DEPDC1B: variants seen among roughly 807,000 people sequenced by gnomAD.
DEPDC1B encodes DEP domain-containing protein 1B.
A neutral mutation model predicts 66.5 loss-of-function variants in DEPDC1B; 51 were observed. That is an observed-to-expected ratio of 0.77 (90% confidence interval 0.61 to 0.97). The LOEUF (loss-of-function observed/expected upper bound fraction) is 0.97. DEPDC1B is among the 50% of genes least tolerant of loss of function. DEPDC1B has a pLI of 0.00. For synonymous variants in DEPDC1B, 226 were observed against 223.6 expected, an observed-to-expected ratio of 1.01 and a Z score of -0.10; for missense variants, 552 against 637.1, an observed-to-expected ratio of 0.87 and a Z score of 1.44.
At chr5:60,604,472 C>T (rs913912096) in intron 8 of DEPDC1B, among the ~76,000 whole-genome samples, 2 of 151,906 alleles carry the variant, frequency 1.3e-5, no homozygotes, top group East Asian at 1.9e-4. Context: ...CCACCTGCCT[C>T]GGCCTCCCAA....
chr5:60,600,174 TA>T (rs1393652700), intron 9 of DEPDC1B, among the ~76,000 whole-genome samples: 4 of 152,164 alleles, frequency 2.6e-5, no homozygotes, highest in Non-Finnish European at 5.9e-5. Flanking sequence ...GCTAAGCTTT[TA>T]GGAAGAGAGG....
At chr5:60,662,126 C>G (rs981244906) in intron 2 of DEPDC1B, among the ~76,000 whole-genome samples, 1 of 152,026 alleles carries the variant, frequency 6.6e-6, no homozygotes. Context: ...TGGTGATTCA[C>G]GCCTGTAATC....
At chr5:60,642,386 T>A (rs541287354) in intron 6 of DEPDC1B, among the ~76,000 whole-genome samples, 1 of 152,342 alleles carries the variant, frequency 6.6e-6, no homozygotes, top group African/African-American at 2.4e-5. Context: ...GCCTATGATA[T>A]TCAATGATAT....
chr5:60,640,719 G>A (rs1447350505), intron 6 of DEPDC1B, among the ~76,000 whole-genome samples: 1 of 152,132 alleles, frequency 6.6e-6, no homozygotes, highest in Non-Finnish European at 1.5e-5. Flanking sequence ...AAGAGAAAGA[G>A]GTGAGCAGCA....
rs1177681795 is a variant in DEPDC1B, at chr5:60,694,824, C to G, written c.48+5222G>C. Among the ~76,000 whole-genome samples, 3 of 152,174 alleles carry G rather than the reference C, an allele frequency of 2.0e-5. No individual in the cohort carries two copies. The East Asian group carries it at 5.8e-4, about 29-fold the overall frequency. On this transcript the variant is annotated intron_variant, in intron 1 of 10. Transcript: ENST00000265036. ...GACCAGTGCCTGACATATAGTATAC[C>G]CATTTAATATGTACTGATGAATATA...
At chr5:60,639,524 A>G (rs1179201855) in intron 6 of DEPDC1B, among the ~76,000 whole-genome samples, 1 of 152,340 alleles carries the variant, frequency 6.6e-6, no homozygotes, top group Non-Finnish European at 1.5e-5. Context: ...ATCAAAAGAC[A>G]GTTTATCAAG....
intron 1 of DEPDC1B, among the ~76,000 whole-genome samples, chr5:60,692,588 T>C (rs1437528924): frequency 6.6e-6 from 1 of 152,176 alleles, no homozygotes; most frequent in Non-Finnish European, 1.5e-5. Context: ...TGTAAATTGG[T>C]GCGACCAGTT....
chr5:60,647,355 C>G, intron 3 of DEPDC1B, 43 bp downstream of exon 3: 1 of 1,546,378 alleles, frequency 6.5e-7, no homozygotes, highest in Non-Finnish European at 8.7e-7. Flanking sequence ...ATGGATGATT[C>G]TCCCTGCTGC....
chr5:60,607,048 G>A (rs1414123036), intron 7 of DEPDC1B, among the ~76,000 whole-genome samples: 4 of 152,188 alleles, frequency 2.6e-5, no homozygotes, highest in Non-Finnish European at 2.9e-5. Flanking sequence ...TTCCTTTGAA[G>A]AGCTTATGCA....
At chr5:60,617,371 G>A (rs1033794755) in intron 7 of DEPDC1B, among the ~76,000 whole-genome samples, 4 of 152,176 alleles carry the variant, frequency 2.6e-5, no homozygotes. Flanking sequence ...AGACTCATCA[G>A]TGTGCTGTAT....
intron 2 of DEPDC1B, among the ~76,000 whole-genome samples, chr5:60,663,108 T>C (rs1467067405): frequency 6.6e-6 from 1 of 152,116 alleles, no homozygotes; most frequent in Admixed American, 6.5e-5. Context: ...ATTATACACC[T>C]GAACATAGGA....
At chr5:60,667,780 TATATAAAAA>T (rs1206296511) in intron 2 of DEPDC1B, among the ~76,000 whole-genome samples, 23 of 134,584 alleles carry the variant, frequency 1.7e-4, no homozygotes, top group African/African-American at 4.7e-4. Flanking sequence ...ATTTTACATA[TATATAAAAA>T]ATGGATATTT....
At chr5:60,611,050 T>C (rs1752405625) in intron 7 of DEPDC1B, among the ~76,000 whole-genome samples, 1 of 152,254 alleles carries the variant, frequency 6.6e-6, no homozygotes, top group Non-Finnish European at 1.5e-5. Flanking sequence ...ATTGAAGTTT[T>C]GTGGCAACCC....
At chr5:60,680,397 T>C (rs1309026524) in intron 2 of DEPDC1B, among the ~76,000 whole-genome samples, 5 of 152,198 alleles carry the variant, frequency 3.3e-5, no homozygotes, top group African/African-American at 9.7e-5. Flanking sequence ...AATTTTTCTA[T>C]ACTGAACATC....
chr5:60,619,015 T>TAA lies in DEPDC1B; in HGVS notation c.899-13161_899-13160dup, dbSNP rs955979510. On this transcript the variant is annotated intron_variant, in intron 7 of 10. Coordinates refer to ENST00000265036, the MANE Select transcript of DEPDC1B (RefSeq NM_018369.3). ...AAATCAATAAACGTAATCCAGCATATAAACAGAACCAAAGACAAAAACCAC... is the reference window on the plus strand; with the variant it reads ...AAATCAATAAACGTAATCCAGCATATAAAAACAGAACCAAAGACAAAAACCAC... 2.9e-4 allele frequency among the ~76,000 whole-genome samples: 44 copies of TAA among 152,326 alleles called. No homozygotes were observed. In the Middle Eastern group the frequency reaches 0.014, roughly 47 times the overall value.
At chr5:60,695,782 G>A (rs1754639409) in intron 1 of DEPDC1B, among the ~76,000 whole-genome samples, 1 of 152,106 alleles carries the variant, frequency 6.6e-6, no homozygotes, top group Non-Finnish European at 1.5e-5. Flanking sequence ...CTTTGTAAGG[G>A]AATGTGAAAA....
intron 9 of DEPDC1B, 88 bp downstream of exon 9, chr5:60,603,303 C>G (rs1280168541): frequency 8.0e-7 from 1 of 1,249,818 alleles, no homozygotes; most frequent in Non-Finnish European, 1.1e-6. Flanking sequence ...TCACTTAATC[C>G]TCATAATAAA....
At chr5:60,675,929 T>G (rs1001911832) in intron 2 of DEPDC1B, among the ~76,000 whole-genome samples, 1 of 151,584 alleles carries the variant, frequency 6.6e-6, no homozygotes, top group Non-Finnish European at 1.5e-5. Context: ...TTTTTTGTTT[T>G]TTTGTTTTTT....
intron 7 of DEPDC1B, among the ~76,000 whole-genome samples, chr5:60,615,308 T>G (rs1752519061): frequency 6.6e-6 from 1 of 152,008 alleles, no homozygotes; most frequent in Non-Finnish European, 1.5e-5. Context: ...TGCAGGACAG[T>G]GGGTGCAGCA....
Sources: allele counts gnomAD v4.1 joint callset (sites outside exome capture counted in the v4.1 genomes callset), GRCh38; gene constraint gnomAD v4.1.1; transcripts MANE v1.5; gene names NCBI Gene and HGNC (gene_info 2026-07-23, HGNC 2026-07-21).